ROR1: variants seen among roughly 807,000 people sequenced by gnomAD.
The protein encoded by ROR1 is inactive tyrosine-protein kinase transmembrane receptor ROR1.
Under a neutral mutation model 78.8 loss-of-function variants are expected in ROR1, and 19 were observed. The observed-to-expected ratio is 0.24, with a 90% CI of 0.17 to 0.35. The LOEUF is 0.35. Among genes scored for constraint, ROR1 ranks in the 10% least tolerant of loss-of-function variants. The pLI is 1.00. For missense variants in ROR1, 917 were observed against 1,177.8 expected, an observed-to-expected ratio of 0.78 and a Z score of 3.24; for synonymous variants, 386 against 433.6, an observed-to-expected ratio of 0.89 and a Z score of 1.36.
chr1:63,949,701 CTTGA>C (rs1244796609), intron 1 of ROR1, among the ~76,000 whole-genome samples: 2 of 152,000 alleles, frequency 1.3e-5, no homozygotes, highest in Non-Finnish European at 2.9e-5. Flanking sequence ...CAGTCTCCTG[CTTGA>C]TTGTCTCAAA....
intron 2 of ROR1, among the ~76,000 whole-genome samples, chr1:64,014,744 A>ATG (rs1646505248): frequency 8.1e-4 from 7 of 8,620 alleles, no homozygotes; most frequent in Non-Finnish European, 2.3e-3. Context: ...CGCACACTAT[A>ATG]TATATATATA....
intron 1 of ROR1, among the ~76,000 whole-genome samples, chr1:63,815,365 T>G (rs1310933126): frequency 6.6e-6 from 1 of 152,144 alleles, no homozygotes; most frequent in Non-Finnish European, 1.5e-5. Context: ...TTTTGAAGTT[T>G]GGTTGTCTTT....
chr1:63,906,187 G>T (rs1645527255), intron 1 of ROR1, among the ~76,000 whole-genome samples: 1 of 152,072 alleles, frequency 6.6e-6, no homozygotes, highest in Admixed American at 6.6e-5. Flanking sequence ...CCACCTCTGT[G>T]AACGTTTCAG....
chr1:63,838,013 A>G (rs1424328433), intron 1 of ROR1, among the ~76,000 whole-genome samples: 1 of 152,186 alleles, frequency 6.6e-6, no homozygotes, highest in Non-Finnish European at 1.5e-5. Context: ...GTAATGTTGT[A>G]GTACAGTGTA....
intron 1 of ROR1, among the ~76,000 whole-genome samples, chr1:63,807,198 C>T (rs1238175099): frequency 6.6e-6 from 1 of 152,242 alleles, no homozygotes; most frequent in Non-Finnish European, 1.5e-5. Context: ...CTCTGCCCTT[C>T]TGCCACTTCT....
intron 1 of ROR1, among the ~76,000 whole-genome samples, chr1:63,887,744 C>T (rs1212566282): frequency 2.0e-5 from 3 of 152,184 alleles, no homozygotes; most frequent in African/African-American, 7.2e-5. Context: ...GCAGCTTTCT[C>T]CCATACCTTG....
chr1:63,815,411 G>A (rs1644884648), intron 1 of ROR1, among the ~76,000 whole-genome samples: 1 of 150,338 alleles, frequency 6.7e-6, no homozygotes, highest in Non-Finnish European at 1.5e-5. Flanking sequence ...TTTGTATTAA[G>A]GAAAGAATGC....
intron 1 of ROR1, among the ~76,000 whole-genome samples, chr1:63,824,142 T>G (rs1409378830): frequency 6.6e-6 from 1 of 152,158 alleles, no homozygotes; most frequent in Non-Finnish European, 1.5e-5. Context: ...GAGTTTTCCT[T>G]TGGGTAATGG....
chr1:64,161,318 C>T (rs1244041700), intron 8 of ROR1, among the ~76,000 whole-genome samples: 4 of 152,162 alleles, frequency 2.6e-5, no homozygotes, highest in African/African-American at 7.2e-5. Flanking sequence ...CTAAATAGAG[C>T]TGGCCCTTGC....
At chr1:63,896,592 A>ATTACATT (rs1645441622) in intron 1 of ROR1, among the ~76,000 whole-genome samples, 1 of 152,170 alleles carries the variant, frequency 6.6e-6, no homozygotes, top group Non-Finnish European at 1.5e-5. Flanking sequence ...ATGTAATCAC[A>ATTACATT]GTAAGATGGT....
chr1:64,109,073 AC>A (rs1402205427), intron 4 of ROR1, among the ~76,000 whole-genome samples: 1 of 151,760 alleles, frequency 6.6e-6, no homozygotes, highest in African/African-American at 2.4e-5. Context: ...TCTGATACAA[AC>A]CCCCGGCTTA....
At chr1:64,029,758 C>T (rs1646644879) in intron 2 of ROR1, among the ~76,000 whole-genome samples, 1 of 152,166 alleles carries the variant, frequency 6.6e-6, no homozygotes, top group South Asian at 2.1e-4. Context: ...AAAACCCTGT[C>T]TCCAAATACA....
chr1:64,108,365 C>T (rs986860689), intron 4 of ROR1: 1 of 125,010 alleles, frequency 8.0e-6, no homozygotes, highest in African/African-American at 3.0e-5. Flanking sequence ...CCACTTTACT[C>T]CAGCATGGGC....
At chr1:63,974,149 A>G (rs189741113) in intron 1 of ROR1, among the ~76,000 whole-genome samples, 1 of 152,352 alleles carries the variant, frequency 6.6e-6, no homozygotes, top group East Asian at 1.9e-4. Flanking sequence ...AGAATGGGGA[A>G]AATTCAAGTT....
At chr1:63,989,173 T>G (rs1646275211) in intron 1 of ROR1, among the ~76,000 whole-genome samples, 1 of 151,480 alleles carries the variant, frequency 6.6e-6, no homozygotes. Context: ...TTTTTGTTTT[T>G]TTTTTTTTTT....
intron 8 of ROR1, among the ~76,000 whole-genome samples, chr1:64,168,861 G>C (rs984043848): frequency 6.6e-6 from 1 of 152,212 alleles, no homozygotes; most frequent in African/African-American, 2.4e-5. Flanking sequence ...CTAAGGAATT[G>C]ACTGATCCAG....
At chr1:64,123,318 A>C (rs1648608429) in intron 4 of ROR1, among the ~76,000 whole-genome samples, 1 of 152,198 alleles carries the variant, frequency 6.6e-6, no homozygotes, top group Non-Finnish European at 1.5e-5. Flanking sequence ...ATACTATTGT[A>C]AGTTCCCGGG....
chr1:63,930,548 G>T lies in ROR1; in HGVS notation c.92-78757G>T, dbSNP rs371721366. ...TTGGCCAGTCTTCCAGCTGCATCAG[G>T]TGGTAGACTTACTGGGTGGGACACA... On this transcript the variant is annotated intron_variant, in intron 1 of 8. Coordinates refer to ENST00000371079, the MANE Select transcript of ROR1 (RefSeq NM_005012.4). Among the ~76,000 whole-genome samples the T allele has an allele frequency of 5.3e-4, 80 of 152,296 alleles. No individual in the cohort carries two copies. The South Asian group carries it at 0.013, about 24-fold the overall frequency.
In ROR1 at chr1:63,860,588, C is replaced by CACAT. The variant is rs1553138055; in HGVS notation, c.91+86083_91+86084insTACA. On this transcript the variant is annotated intron_variant, in intron 1 of 8. Coordinates refer to ENST00000371079, the MANE Select transcript of ROR1 (RefSeq NM_005012.4). ...ACACACACACACACACACACACACA[C>CACAT]ACACACACACACACACATACACACA... Among the ~76,000 whole-genome samples the CACAT allele has an allele frequency of 5.8e-4, 84 of 145,542 alleles. 1 individual carries two copies. Among genetic ancestry groups the CACAT allele is most frequent in the African/African-American group, 1.5e-3 (59 of 38,894 alleles).
Sources: allele counts gnomAD v4.1 joint callset (sites outside exome capture counted in the v4.1 genomes callset), GRCh38; gene constraint gnomAD v4.1.1; transcripts MANE v1.5; gene names NCBI Gene and HGNC (gene_info 2026-07-23, HGNC 2026-07-21).